The following DNM3 variants were observed in gnomAD, a reference collection of about 807,000 sequenced individuals.
DNM3 encodes dynamin-3.
DNM3 carries 47 observed loss-of-function variants against 101.6 expected under a neutral mutation model. The ratio of observed to expected loss-of-function variants is 0.46; its 90% CI spans 0.37 to 0.59. The LOEUF (loss-of-function observed/expected upper bound fraction) is 0.59, where lower values mean the gene tolerates loss of function less well. DNM3 is among the 20% of genes least tolerant of loss of function. The probability of loss-of-function intolerance (pLI) is 0.00; values close to 1 mark genes in which losing one functional copy is unlikely to be tolerated. For missense variants in DNM3, 849 were observed against 1,085.7 expected, an observed-to-expected ratio of 0.78 and a Z score of 3.06; for synonymous variants, 385 against 387.9, an observed-to-expected ratio of 0.99 and a Z score of 0.09.
chr1:172,098,903 T>A (rs549145230), intron 13 of DNM3, among the ~76,000 whole-genome samples: 2 of 152,280 alleles, frequency 1.3e-5, no homozygotes, highest in Admixed American at 6.5e-5. Flanking sequence ...TGGAGGAAGT[T>A]GTCAGATAGT....
Position 172,166,296 on chromosome 1 carries a change from T to C in DNM3, c.1659+35008T>C, listed in dbSNP as rs549433765. Among the ~76,000 whole-genome samples the C allele has an allele frequency of 1.3e-4, 20 of 152,226 alleles. No homozygotes were observed. In the South Asian group the frequency reaches 4.1e-3, roughly 32 times the overall value. ...CTGATACCCTCAATTAAATAGGTGA[T>C]TAGCTTTCAAACAAAATACATTCTT... is the stretch of plus-strand genomic sequence containing the variant. On this transcript the variant is annotated intron_variant, in intron 14 of 20. Coordinates refer to ENST00000627582, the MANE Select transcript of DNM3 (RefSeq NM_015569.5).
At chr1:171,998,853 C>T (rs1364479983) in intron 4 of DNM3, among the ~76,000 whole-genome samples, 1 of 151,910 alleles carries the variant, frequency 6.6e-6, no homozygotes. Flanking sequence ...GCAAAGGGGA[C>T]AGTAAGCACA....
chr1:172,257,908 A>G (rs945696488), intron 15 of DNM3, among the ~76,000 whole-genome samples: 5 of 148,608 alleles, frequency 3.4e-5, no homozygotes, highest in Non-Finnish European at 7.4e-5. Context: ...ACACACACAG[A>G]CAAACAGACA....
intron 14 of DNM3, among the ~76,000 whole-genome samples, chr1:172,238,833 A>T (rs1324680750): frequency 6.6e-6 from 1 of 152,112 alleles, no homozygotes; most frequent in Non-Finnish European, 1.5e-5. Context: ...TAAGAAAAAA[A>T]AAAAACACCC....
At position 172,103,784 on chromosome 1, in the gene DNM3, C is replaced by T. The variant is rs539564829; in HGVS notation, c.1545+10909C>T. ...TTGGGGTGCCAAGGAGGGTGGATCA[C>T]GAGGTCAGGAGATCGAGACCATCCT... On this transcript the variant is annotated intron_variant, in intron 13 of 20. Transcript: ENST00000627582. Among the ~76,000 whole-genome samples the T allele has an allele frequency of 5.9e-5, 9 of 152,272 alleles. No homozygotes were observed. In the South Asian group the frequency reaches 6.2e-4, roughly 11 times the overall value.
intron 14 of DNM3, among the ~76,000 whole-genome samples, chr1:172,147,453 A>G (rs1158711227): frequency 6.6e-6 from 1 of 152,168 alleles, no homozygotes; most frequent in Non-Finnish European, 1.5e-5. Flanking sequence ...GTTGTTGACC[A>G]AAGTGATTAT....
At chr1:171,999,662 G>A (rs1005511301) in intron 4 of DNM3, among the ~76,000 whole-genome samples, 2 of 152,114 alleles carry the variant, frequency 1.3e-5, no homozygotes, top group Non-Finnish European at 2.9e-5. Context: ...TGAATATTTG[G>A]AAATAAGGTC....
intron 15 of DNM3, among the ~76,000 whole-genome samples, chr1:172,283,780 A>AAAAAAAAAAAAAAAAAAAAAAGAAAG (rs1553221113): frequency 2.5e-5 from 3 of 119,116 alleles, no homozygotes; most frequent in South Asian, 2.8e-4. Flanking sequence ...AAAAAAAAAA[A>AAAAAAAAAAAAAAAAAAAAAAGAAAG]AAAGAAAGAA....
intron 16 of DNM3, among the ~76,000 whole-genome samples, chr1:172,316,305 C>T (rs945288028): frequency 1.6e-4 from 24 of 152,108 alleles, no homozygotes; most frequent in Admixed American, 1.2e-3. Context: ...TAAAGACCAT[C>T]GAGACTAGGA....
chr1:171,975,920 G>A (rs1262452269), intron 2 of DNM3, among the ~76,000 whole-genome samples: 2 of 152,168 alleles, frequency 1.3e-5, no homozygotes, highest in East Asian at 3.9e-4. Flanking sequence ...CTATAATTGT[G>A]CCTGTGAATA....
At chr1:172,340,452 C>A (rs578128436) in intron 17 of DNM3, among the ~76,000 whole-genome samples, 5 of 152,218 alleles carry the variant, frequency 3.3e-5, no homozygotes, top group Non-Finnish European at 5.9e-5. Flanking sequence ...CCCTGCCTAG[C>A]TCCCACTGGT....
At chr1:172,194,795 T>C (rs1218201917) in intron 14 of DNM3, among the ~76,000 whole-genome samples, 1 of 152,160 alleles carries the variant, frequency 6.6e-6, no homozygotes, top group East Asian at 1.9e-4. Context: ...AGCACACTGA[T>C]GGGTCTTGAC....
At chr1:172,241,797 A>G (rs973622652) in intron 14 of DNM3, among the ~76,000 whole-genome samples, 1 of 152,124 alleles carries the variant, frequency 6.6e-6, no homozygotes, top group Non-Finnish European at 1.5e-5. Flanking sequence ...CCGGTCTCTC[A>G]TTTGACTCAT....
rs562776657 is a variant in DNM3, at chr1:172,235,045, C to G, written c.1660-18528C>G. Among the ~76,000 whole-genome samples the G allele has an allele frequency of 1.7e-4, 25 of 149,402 alleles. No homozygotes were observed. The East Asian group carries it at 3.8e-3, about 23-fold the overall frequency. On this transcript the variant is annotated intron_variant, in intron 14 of 20. Coordinates refer to ENST00000627582, the MANE Select transcript of DNM3 (RefSeq NM_015569.5). ...AGCTTCTGCACAGCAAAAGAAACTA[C>G]CATCAGAGTGAACAGGCAACCTACA...
chr1:171,906,257 A>AGTTG lies in DNM3; in HGVS notation c.162-15489_162-15486dup, dbSNP rs559907069. On this transcript the variant is annotated intron_variant, in intron 1 of 20. Transcript: ENST00000627582. ...ATTCTCCCATCTCAGCCTCCCGTAT[A>AGTTG]GTTGGGACCAAAGGCACGTGCCACC... Among the ~76,000 whole-genome samples the AGTTG allele has an allele frequency of 2.3e-4, 34 of 151,074 alleles. 1 individual carries two copies. In the East Asian group the frequency reaches 6.2e-3, roughly 28 times the overall value.
At chr1:171,861,335 T>G (rs1197991719) in intron 1 of DNM3, among the ~76,000 whole-genome samples, 1 of 152,170 alleles carries the variant, frequency 6.6e-6, no homozygotes, top group Non-Finnish European at 1.5e-5. Flanking sequence ...GGACTCACAC[T>G]TCCCAGTTCT....
downstream of DNM3, among the ~76,000 whole-genome samples, chr1:172,413,226 T>C (rs1417801095): frequency 6.6e-6 from 1 of 151,804 alleles, no homozygotes; most frequent in African/African-American, 2.4e-5. Flanking sequence ...TCCCCAGTTT[T>C]TTGTTTGTTT....
intron 14 of DNM3, among the ~76,000 whole-genome samples, chr1:172,207,016 A>G (rs2060346242): frequency 6.6e-6 from 1 of 152,034 alleles, no homozygotes; most frequent in Non-Finnish European, 1.5e-5. Context: ...CCACCCACAA[A>G]TGCCTGGTAG....
intron 2 of DNM3, among the ~76,000 whole-genome samples, chr1:171,982,925 T>G (rs2044918323): frequency 6.6e-6 from 1 of 152,140 alleles, no homozygotes; most frequent in Non-Finnish European, 1.5e-5. Context: ...TTCTGCCTCT[T>G]TCCTGTTCCT....
Sources: gnomAD v4.1 joint callset for allele counts (sites outside exome capture counted in the v4.1 genomes callset) on GRCh38, gnomAD v4.1.1 for gene constraint, MANE v1.5 for transcripts, NCBI Gene and HGNC (gene_info 2026-07-23, HGNC 2026-07-21) for gene names.